The following ATP2C2 variants were observed in gnomAD, a reference collection of about 807,000 sequenced individuals.
The protein encoded by ATP2C2 is ATPase secretory pathway Ca2+ transporting 2.
Under a neutral mutation model 110.8 loss-of-function variants are expected in ATP2C2, and 171 were observed. The observed-to-expected ratio is 1.54, with a 90% confidence interval of 1.36 to 1.75. The LOEUF (loss-of-function observed/expected upper bound fraction) is 1.75. Among genes scored for constraint, ATP2C2 ranks in the 40% most tolerant of loss-of-function variants. The pLI is 0.00. For synonymous variants in ATP2C2, 804 were observed against 508.4 expected (o/e 1.58, Z -7.82); for missense variants, 1,963 against 1,235.0 (o/e 1.59, Z -8.84).
intron 17 of ATP2C2, among the ~76,000 whole-genome samples, chr16:84,450,947 C>T (rs76045909): frequency 6.6e-6 from 1 of 152,184 alleles, no homozygotes; most frequent in African/African-American, 2.4e-5. Flanking sequence ...CCATTCTGGG[C>T]CAGCTCACAG....
chr16:84,394,532 T>C (rs969228307), intron 1 of ATP2C2, among the ~76,000 whole-genome samples: 3 of 152,120 alleles, frequency 2.0e-5, no homozygotes, highest in African/African-American at 7.3e-5. Context: ...CCCAGGGCTA[T>C]GGTCACCGAG....
chr16:84,429,861 G>A (rs1399652563), intron 11 of ATP2C2, among the ~76,000 whole-genome samples: 2 of 152,268 alleles, frequency 1.3e-5, no homozygotes, highest in African/African-American at 2.4e-5. Flanking sequence ...CCAGAAGTCC[G>A]AGGTCCAGGT....
intron 1 of ATP2C2, among the ~76,000 whole-genome samples, chr16:84,397,632 C>G (rs1227495696): frequency 1.2e-5 from 1 of 81,456 alleles, no homozygotes; most frequent in Non-Finnish European, 2.7e-5. Flanking sequence ...TATGATTGCA[C>G]CACTGCACTC....
chr16:84,419,579 G>A (rs1311496966), intron 7 of ATP2C2, among the ~76,000 whole-genome samples: 1 of 152,198 alleles, frequency 6.6e-6, no homozygotes, highest in Non-Finnish European at 1.5e-5. Context: ...GGGAAAGCTG[G>A]GGGCAGGGGG....
intron 24 of ATP2C2, 113 bp from the exon 25 acceptor site, chr16:84,461,601 G>T (rs540084916): frequency 2.9e-5 from 27 of 924,178 alleles, no homozygotes; most frequent in African/African-American, 8.1e-5. Flanking sequence ...TCATGAGCTT[G>T]TAAGTGGCTC....
chr16:84,449,495 C>T (rs1054906755), intron 17 of ATP2C2, among the ~76,000 whole-genome samples: 1 of 152,160 alleles, frequency 6.6e-6, no homozygotes, highest in Non-Finnish European at 1.5e-5. Flanking sequence ...TCCCCATATG[C>T]CTAAGGAAGG....
chr16:84,454,247 T>C (rs183927588), intron 20 of ATP2C2, among the ~76,000 whole-genome samples: 183 of 152,304 alleles, frequency 1.2e-3, no homozygotes, highest in African/African-American at 4.1e-3. Flanking sequence ...ATGAATCTCT[T>C]GGCACACAGC....
intron 2 of ATP2C2, chr16:84,404,808 CCTT>C (rs1905603770): frequency 2.9e-6 from 1 of 344,048 alleles, no homozygotes; most frequent in Admixed American, 4.1e-5. Flanking sequence ...ATTCCCAAGA[CCTT>C]TTTTTTTTTT....
chr16:84,381,907 A>G (rs1239671873), intron 1 of ATP2C2, among the ~76,000 whole-genome samples: 1 of 152,232 alleles, frequency 6.6e-6, no homozygotes, highest in Non-Finnish European at 1.5e-5. Context: ...ACAGCTCTTC[A>G]TGGAATTGGG....
At chr16:84,435,712 G>A (rs1385389770) in intron 11 of ATP2C2, among the ~76,000 whole-genome samples, 5 of 54,124 alleles carry the variant, frequency 9.2e-5, no homozygotes, top group East Asian at 7.9e-4. Flanking sequence ...CCTATGTCCC[G>A]GCTACCAGGG....
At chr16:84,376,895 G>A (rs1006604886) in intron 1 of ATP2C2, among the ~76,000 whole-genome samples, 1 of 152,230 alleles carries the variant, frequency 6.6e-6, no homozygotes, top group Non-Finnish European at 1.5e-5. Context: ...GGCTGGCCCT[G>A]CTGAAGGGTT....
At position 84,440,855 on chromosome 16, in the gene ATP2C2, A is replaced by C; in HGVS notation, c.1210-2A>C. 2 of 1,611,478 alleles carry C rather than the reference A, an allele frequency of 1.2e-6. No homozygotes were observed. The highest frequency in any genetic ancestry group is 1.7e-6 in the Non-Finnish European group (2 of 1,178,726). ...AACCCTTTCTTCTGCCTCGCCCTGCAGGTCAGCGGAGTTGGGTATGACGGT... is the reference window on the plus strand; with the variant it reads ...AACCCTTTCTTCTGCCTCGCCCTGCCGGTCAGCGGAGTTGGGTATGACGGT... On this transcript the variant is annotated splice_acceptor_variant, in intron 13 of 26. Coordinates refer to ENST00000262429, the MANE Select transcript of ATP2C2 (RefSeq NM_014861.4). LOFTEE classifies it high-confidence loss of function.
chr16:84,459,629 C>A, intron 23 of ATP2C2: 5 of 1,505,152 alleles, frequency 3.3e-6, no homozygotes, highest in Non-Finnish European at 4.5e-6. Context: ...TGCCTGGATG[C>A]TCTCTCTGGG....
At chr16:84,409,498 TCTC>T (rs1567702256) in intron 4 of ATP2C2, among the ~76,000 whole-genome samples, 1 of 152,066 alleles carries the variant, frequency 6.6e-6, no homozygotes, top group Admixed American at 6.6e-5. Flanking sequence ...GTATCTGGCT[TCTC>T]CTGAGCACAT....
intron 1 of ATP2C2, among the ~76,000 whole-genome samples, chr16:84,394,066 C>T (rs760709233): frequency 6.6e-6 from 1 of 151,518 alleles, no homozygotes; most frequent in East Asian, 1.9e-4. Flanking sequence ...GTAGTCCTAG[C>T]TTCTCAGGAG....
intron 7 of ATP2C2, among the ~76,000 whole-genome samples, chr16:84,419,873 T>A (rs1234928023): frequency 6.6e-6 from 1 of 152,126 alleles, no homozygotes; most frequent in Non-Finnish European, 1.5e-5. Flanking sequence ...TGAGTGGAAG[T>A]ACTGGGAATC....
chr16:84,403,105 C>G (rs1439474957), intron 2 of ATP2C2, among the ~76,000 whole-genome samples: 1 of 152,016 alleles, frequency 6.6e-6, no homozygotes, highest in Non-Finnish European at 1.5e-5. Flanking sequence ...GGCCCTTTGA[C>G]TTTCTGTGAT....
chr16:84,445,196 C>G (rs1368784588), intron 15 of ATP2C2, among the ~76,000 whole-genome samples: 1 of 151,150 alleles, frequency 6.6e-6, no homozygotes, highest in Non-Finnish European at 1.5e-5. Flanking sequence ...CACGCCTCTG[C>G]GCAGCGTTTT....
Position 84,368,783 on chromosome 16 carries a change from G to T in ATP2C2, c.99+69G>T, listed in dbSNP as rs1011081205. The T allele has an allele frequency of 4.7e-6, 6 of 1,284,154 alleles. No homozygotes were observed. The Admixed American group carries it at 9.5e-5, about 20-fold the overall frequency. The allele number at this position is 1,284,154 out of a possible 1,614,324, so 79.5% of individuals were successfully genotyped here. A position where few individuals can be genotyped will look rare whatever the true frequency, so the allele number is the denominator to read the frequency against. On this transcript the variant is annotated intron_variant, in intron 1 of 26. Transcript: ENST00000262429. ...CATCCCCTCCGTCGTAACCGTCCCC[G>T]GCCCGAGACCCCGCGTTCGCGCTGC...
Sources: allele counts gnomAD v4.1 joint callset (sites outside exome capture counted in the v4.1 genomes callset), GRCh38; gene constraint gnomAD v4.1.1; transcripts MANE v1.5; gene names NCBI Gene and HGNC (gene_info 2026-07-23, HGNC 2026-07-21).